The following CYB5R4 variants were observed in gnomAD, a reference collection of about 807,000 sequenced individuals.
CYB5R4 encodes N-terminal cytochrome b5 and cytochrome b5 oxidoreductase domain-containing protein.
CYB5R4 carries 55 observed loss-of-function variants against 70.2 expected under a neutral mutation model. The observed-to-expected ratio is 0.78, with a 90% CI of 0.63 to 0.98. The LOEUF is 0.98. Among genes scored for constraint, CYB5R4 ranks in the 50% least tolerant of loss-of-function variants. The pLI is 0.00. For synonymous variants in CYB5R4, 197 were observed against 199.5 expected (o/e 0.99, Z 0.11); for missense variants, 562 against 612.6 (o/e 0.92, Z 0.87).
rs558392714 is a variant in CYB5R4, at chr6:83,889,188, A to G, written c.230-4334A>G. 3.5e-4 allele frequency among the ~76,000 whole-genome samples: 54 copies of G among 152,360 alleles called. 3 individuals carry two copies. In the South Asian group the frequency reaches 9.9e-3, roughly 28 times the overall value. On this transcript the variant is annotated intron_variant, in intron 2 of 15. Coordinates refer to ENST00000369681, the MANE Select transcript of CYB5R4 (RefSeq NM_016230.4). ...ATGTAGAAGCTGCAGCAAGTTATCT[A>G]GAAGATCTAGCTAAGATCAGTGATG...
At chr6:83,932,146 T>G (rs2099468251) in intron 10 of CYB5R4, among the ~76,000 whole-genome samples, 1 of 152,214 alleles carries the variant, frequency 6.6e-6, no homozygotes, top group Admixed American at 6.5e-5. Context: ...CTGTGCTTTC[T>G]CCTTGATGCA....
intron 2 of CYB5R4, among the ~76,000 whole-genome samples, chr6:83,886,381 G>C (rs966927165): frequency 7.2e-5 from 11 of 152,078 alleles, no homozygotes; most frequent in African/African-American, 2.7e-4. Flanking sequence ...AGTGGAACCA[G>C]CTCAAATGCT....
At chr6:83,898,593 C>G (rs369864014) in intron 3 of CYB5R4, among the ~76,000 whole-genome samples, 1 of 151,540 alleles carries the variant, frequency 6.6e-6, no homozygotes, top group East Asian at 1.9e-4. Context: ...TTCCTACCCA[C>G]GAGCATGGAA....
In CYB5R4 at chr6:83,962,575, A is replaced by G. The variant is rs2099473503; in HGVS notation, c.*2697A>G. On this transcript the variant is annotated 3_prime_UTR_variant, in exon 16 of 16. Coordinates refer to ENST00000369681, the MANE Select transcript of CYB5R4 (RefSeq NM_016230.4). ...TAGCTTAAAACAACACCCATTTATT[A>G]TCTCACAGTTCCATGGCACAGAAAT... 1 of 152,214 alleles carries G rather than the reference A, an allele frequency of 6.6e-6. No homozygotes were observed. Among genetic ancestry groups the G allele is most frequent in the Non-Finnish European group, 1.5e-5 (1 of 68,032 alleles). 9.4% of individuals were successfully genotyped at this position (152,214 alleles called of 1,614,324 possible). A position where few individuals can be genotyped will look rare whatever the true frequency, so the allele number is the denominator to read the frequency against.
intron 1 of CYB5R4, among the ~76,000 whole-genome samples, chr6:83,861,881 T>C (rs2099455991): frequency 6.6e-6 from 1 of 152,230 alleles, no homozygotes; most frequent in Non-Finnish European, 1.5e-5. Context: ...CTGGTGATGT[T>C]TTTGTGACCA....
intron 2 of CYB5R4, among the ~76,000 whole-genome samples, chr6:83,892,841 C>CT (rs1562831905): frequency 2.1e-5 from 3 of 145,218 alleles, no homozygotes; most frequent in Non-Finnish European, 4.5e-5. Flanking sequence ...TCTCTCTCTT[C>CT]CTCTCTCTCT....
At chr6:83,918,536 C>T (rs1055065601) in intron 6 of CYB5R4, among the ~76,000 whole-genome samples, 4 of 151,892 alleles carry the variant, frequency 2.6e-5, no homozygotes, top group Admixed American at 6.6e-5. Flanking sequence ...AAATATTCTG[C>T]GAAAGCATTT....
chr6:83,887,234 ATGCTTTGTCTGTAAGATAT>A (rs2129132791), intron 2 of CYB5R4, among the ~76,000 whole-genome samples: 2 of 152,286 alleles, frequency 1.3e-5, no homozygotes, highest in Admixed American at 1.3e-4. Flanking sequence ...ATGCTGGATG[ATGCTTTGTCTGTAAGATAT>A]TATAGAGATA....
intron 2 of CYB5R4, 70 bp downstream of exon 2, chr6:83,864,398 CA>C: frequency 1.5e-6 from 2 of 1,339,212 alleles, no homozygotes; most frequent in Non-Finnish European, 2.0e-6. Flanking sequence ...TACATAACCT[CA>C]CAGTCATGTT....
In CYB5R4 at chr6:83,902,849, AAC is replaced by A. The variant is rs573085545; in HGVS notation, c.331-6157_331-6156del. 3.2e-3 allele frequency among the ~76,000 whole-genome samples: 487 copies of A among 152,198 alleles called. 2 individuals are homozygous for A. The highest frequency in any genetic ancestry group is 0.011 in the African/African-American group (461 of 41,552). ...AGCTATTTTATTATTGGCGTATAGA[AAC>A]ACTGCTGAGTTTTGTATGTTGATTT... On this transcript the variant is annotated intron_variant, in intron 3 of 15. Transcript: ENST00000369681.
chr6:83,934,874 T>C (rs1395726214), intron 11 of CYB5R4, 139 bp downstream of exon 11: 42 of 751,364 alleles, frequency 5.6e-5, no homozygotes, highest in Non-Finnish European at 4.1e-6. Context: ...AGTCAGAATG[T>C]AGGTTTGTGA....
chr6:83,906,458 A>G (rs1333533829), intron 3 of CYB5R4, among the ~76,000 whole-genome samples: 1 of 152,032 alleles, frequency 6.6e-6, no homozygotes, highest in Non-Finnish European at 1.5e-5. Flanking sequence ...CCATCACACA[A>G]TCTCCCAGCA....
chr6:83,941,554 G>A (rs1022805834), intron 14 of CYB5R4, among the ~76,000 whole-genome samples: 1 of 152,124 alleles, frequency 6.6e-6, no homozygotes, highest in Non-Finnish European at 1.5e-5. Context: ...CCAGGGGCTC[G>A]AGGTTCTTCT....
Position 83,964,249 on chromosome 6 carries a change from A to T in CYB5R4, c.*4371A>T, listed in dbSNP as rs1374267393. ...GCTCAGAAGAAGACAGGAAAATGGG[A>T]AAGTTTGGAACTTCCTTGAGACTTG... is the stretch of plus-strand genomic sequence containing the variant. On this transcript the variant is annotated 3_prime_UTR_variant, in exon 16 of 16. Transcript: ENST00000369681. 6.5e-6 allele frequency: 1 copy of T among 153,518 alleles called. No individual in the cohort carries two copies. Among genetic ancestry groups the T allele is most frequent in the Non-Finnish European group, 1.4e-5 (1 of 69,036 alleles). The allele number at this position is 153,518 out of a possible 1,614,324, so 9.5% of individuals were successfully genotyped here.
intron 14 of CYB5R4, among the ~76,000 whole-genome samples, chr6:83,952,850 AC>A (rs1324905334): frequency 6.6e-6 from 1 of 152,072 alleles, no homozygotes; most frequent in Admixed American, 6.6e-5. Flanking sequence ...GGCTCTGTGG[AC>A]TATATGTTTT....
chr6:83,930,783 GAA>G (rs34692502), intron 10 of CYB5R4, among the ~76,000 whole-genome samples: 1 of 140,922 alleles, frequency 7.1e-6, no homozygotes, highest in Admixed American at 7.1e-5. Flanking sequence ...CTTACTATGT[GAA>G]AAAAAAAAAA....
intron 3 of CYB5R4, among the ~76,000 whole-genome samples, chr6:83,900,631 T>C (rs376375659): frequency 2.6e-5 from 4 of 151,928 alleles, no homozygotes; most frequent in Non-Finnish European, 5.9e-5. Flanking sequence ...TAAGGACTTG[T>C]TTTATGAATC....
intron 3 of CYB5R4, 152 bp downstream of exon 3, chr6:83,893,774 C>T: frequency 1.9e-6 from 1 of 533,886 alleles, no homozygotes; most frequent in East Asian, 3.1e-5. Flanking sequence ...CAAGTAGCAG[C>T]TGTTCATTTA....
chr6:83,899,549 C>A (rs2099462508), intron 3 of CYB5R4, among the ~76,000 whole-genome samples: 3 of 152,158 alleles, frequency 2.0e-5, no homozygotes, highest in Non-Finnish European at 4.4e-5. Flanking sequence ...AGTACCAGCT[C>A]CTCCTTGTAC....
Sources: gnomAD v4.1 joint callset for allele counts (sites outside exome capture counted in the v4.1 genomes callset) on GRCh38, gnomAD v4.1.1 for gene constraint, MANE v1.5 for transcripts, NCBI Gene and HGNC (gene_info 2026-07-23, HGNC 2026-07-21) for gene names.